SIPA1L3: variants seen among roughly 807,000 people sequenced by gnomAD.
SIPA1L3 encodes the protein signal-induced proliferation-associated 1-like protein 3.
In SIPA1L3, 59 loss-of-function variants were observed where a neutral mutation model predicts 150.1. The ratio of observed to expected loss-of-function variants is 0.39; its 90% CI spans 0.32 to 0.49. SIPA1L3 has a LOEUF of 0.49. Ranked by LOEUF, SIPA1L3 falls within the 20% of genes least tolerant of loss-of-function variation. SIPA1L3 has a pLI of 0.86. For synonymous variants in SIPA1L3, 1,070 were observed against 1,077.6 expected, an observed-to-expected ratio of 0.99 and a Z score of 0.14; for missense variants, 2,211 against 2,489.5, an observed-to-expected ratio of 0.89 and a Z score of 2.38.
chr19:38,108,570 C>T (rs889452636), intron 7 of SIPA1L3: 1 of 152,248 alleles, frequency 6.6e-6, no homozygotes, highest in Non-Finnish European at 1.5e-5. Context: ...AGTTGAGCTG[C>T]AAAGCGTGTC....
chr19:37,980,632 C>T (rs180908601), intron 1 of SIPA1L3, among the ~76,000 whole-genome samples: 6 of 152,042 alleles, frequency 3.9e-5, no homozygotes, highest in Admixed American at 6.5e-5. Flanking sequence ...GGGGGCCCGT[C>T]GAGGCATGAA....
chr19:38,093,776 G>C (rs1970316624), intron 4 of SIPA1L3, among the ~76,000 whole-genome samples: 1 of 152,124 alleles, frequency 6.6e-6, no homozygotes, highest in Non-Finnish European at 1.5e-5. Context: ...TCTCCCAGCA[G>C]ATGGGATATG....
At chr19:37,925,178 C>T (rs1472219600) in intron 1 of SIPA1L3, among the ~76,000 whole-genome samples, 3 of 152,132 alleles carry the variant, frequency 2.0e-5, no homozygotes, top group Non-Finnish European at 4.4e-5. Context: ...CATGGCTCTC[C>T]GACCTCCCCG....
chr19:38,204,409 G>A (rs887481702), intron 21 of SIPA1L3, among the ~76,000 whole-genome samples: 3 of 152,310 alleles, frequency 2.0e-5, no homozygotes, highest in Non-Finnish European at 2.9e-5. Context: ...TCCATTCTTG[G>A]GGGGAGAATA....
At chr19:38,192,054 C>A in intron 16 of SIPA1L3, 91 bp from the exon 17 acceptor site, 1 of 1,219,512 alleles carries the variant, frequency 8.2e-7, no homozygotes, top group Non-Finnish European at 1.1e-6. Flanking sequence ...GCCATGCGTC[C>A]CGTGGTGGCC....
Position 38,193,607 on chromosome 19 carries a change from G to T in SIPA1L3, c.4667G>T (p.Ser1556Ile), listed in dbSNP as rs373154281. The T allele has an allele frequency of 1.6e-5, 25 of 1,564,994 alleles. No homozygotes were observed. In the African/African-American group the frequency reaches 3.2e-4, roughly 20 times the overall value. The change falls in exon 18 of 22, where the codon AGC becomes ATC. Residue 1556 changes from serine to isoleucine, a missense_variant. Physicochemically the swap from Ser to Ile is moderately radical, Grantham distance 142. Coordinates refer to ENST00000222345, the MANE Select transcript of SIPA1L3 (RefSeq NM_015073.3). ...CTGTGCAGCGGGCGCCGGGAGCCCA[G>T]CTTCGCCAGCCCCGCTGGCCTAGAG... ...ESLCSGRREP[S>I]FASPAGLEPG...
intron 1 of SIPA1L3, among the ~76,000 whole-genome samples, chr19:37,931,419 G>C (rs1030666942): frequency 6.6e-6 from 1 of 151,684 alleles, no homozygotes; most frequent in East Asian, 1.9e-4. Flanking sequence ...GGCCCAGTGG[G>C]AGCACCTGCT....
At position 38,103,564 on chromosome 19, in the gene SIPA1L3, G is replaced by T. The variant is rs181939197; in HGVS notation, c.2029+2338G>T. Among the ~76,000 whole-genome samples the T allele has an allele frequency of 7.7e-3, 1,164 of 151,120 alleles. 16 individuals are homozygous for T. The highest frequency in any genetic ancestry group is 0.027 in the African/African-American group (1,098 of 41,212). On this transcript the variant is annotated intron_variant, in intron 6 of 21. Coordinates refer to ENST00000222345, the MANE Select transcript of SIPA1L3 (RefSeq NM_015073.3). ...AATTGCTTGAGCCTGGGAGGCAGAG[G>T]TTGCAGTGAGCTGAGATCACACCAC...
intron 15 of SIPA1L3, among the ~76,000 whole-genome samples, chr19:38,176,883 A>C (rs1185942926): frequency 6.6e-6 from 1 of 152,038 alleles, no homozygotes; most frequent in African/African-American, 2.4e-5. Flanking sequence ...AGGCAGGAGA[A>C]TCGCTTGAAC....
intron 1 of SIPA1L3, among the ~76,000 whole-genome samples, chr19:38,004,980 G>A (rs541963048): frequency 7.9e-5 from 12 of 152,270 alleles, no homozygotes; most frequent in Admixed American, 2.0e-4. Flanking sequence ...GTCACCGCAT[G>A]TTCTCTCAGC....
Position 38,017,730 on chromosome 19 carries a change from A to G in SIPA1L3, c.-378-11359A>G, listed in dbSNP as rs1017798631. ...ATTTTCTGTAGAGACAGGGTCTTGCAGTGTTGCCCAGTCTGGCTTTGAATT... is the reference window on the plus strand; with the variant it reads ...ATTTTCTGTAGAGACAGGGTCTTGCGGTGTTGCCCAGTCTGGCTTTGAATT... On this transcript the variant is annotated intron_variant, in intron 1 of 21. Coordinates refer to ENST00000222345, the MANE Select transcript of SIPA1L3 (RefSeq NM_015073.3). 4.0e-5 allele frequency among the ~76,000 whole-genome samples: 6 copies of G among 151,692 alleles called. No individual in the cohort carries two copies. In the East Asian group the frequency reaches 7.7e-4, roughly 20 times the overall value.
chr19:38,056,520 C>T (rs1316517269), intron 2 of SIPA1L3, among the ~76,000 whole-genome samples: 2 of 152,186 alleles, frequency 1.3e-5, no homozygotes, highest in South Asian at 2.1e-4. Context: ...TCCCATCCTT[C>T]GTCAGTTTAC....
rs1273470184 is a variant in SIPA1L3, at chr19:38,000,909, T to TGTTATATATAG, written c.-378-28180_-378-28179insGTTATATATAG. Among the ~76,000 whole-genome samples, 11 of 35,488 alleles carry TGTTATATATAG rather than the reference T, an allele frequency of 3.1e-4. No homozygotes were observed. The East Asian group carries it at 0.01, about 33-fold the overall frequency. 23.3% of individuals were successfully genotyped at this position (35,488 alleles called of 152,430 possible). On this transcript the variant is annotated intron_variant, in intron 1 of 21. Transcript: ENST00000222345. ...TATATATATGTTATATATATATATA[T>TGTTATATATAG]AACATATATATAACATATATATAAC...
intron 1 of SIPA1L3, among the ~76,000 whole-genome samples, chr19:37,909,283 C>A (rs2046359629): frequency 6.6e-6 from 1 of 152,200 alleles, no homozygotes; most frequent in Admixed American, 6.5e-5. Flanking sequence ...TCTCAGCTCA[C>A]TGAAGCCTCC....
At chr19:38,102,167 G>C (rs375563515) in intron 6 of SIPA1L3, among the ~76,000 whole-genome samples, 35 of 150,150 alleles carry the variant, frequency 2.3e-4, no homozygotes, top group African/African-American at 8.1e-4. Context: ...CTGCCTCAGC[G>C]TCCCAAGTAA....
In SIPA1L3 at chr19:38,138,910, A is replaced by AAAAAAAAAAAAAACAAAAAC. The variant is rs1343348254; in HGVS notation, c.3144-2269_3144-2268insAAAAAAAACAAAAACAAAAA. ...GAGACTCTATCTCAAAAAAAAAAAA[A>AAAAAAAAAAAAAACAAAAAC]AAAAACTGAGTGTGGTGGCTCACGC... On this transcript the variant is annotated intron_variant, in intron 10 of 21. Coordinates refer to ENST00000222345, the MANE Select transcript of SIPA1L3 (RefSeq NM_015073.3). Among the ~76,000 whole-genome samples the AAAAAAAAAAAAAACAAAAAC allele has an allele frequency of 1.5e-3, 165 of 112,826 alleles. 16 individuals are homozygous for AAAAAAAAAAAAAACAAAAAC. The highest frequency in any genetic ancestry group is 2.9e-3 in the African/African-American group (76 of 26,240). The allele number at this position is 112,826 out of a possible 152,430, so 74.0% of individuals were successfully genotyped here.
intron 1 of SIPA1L3, among the ~76,000 whole-genome samples, chr19:37,939,073 C>T (rs538805994): frequency 6.6e-6 from 1 of 152,148 alleles, no homozygotes; most frequent in Non-Finnish European, 1.5e-5. Flanking sequence ...TATTCTCCCC[C>T]CAATTCCATG....
intron 16 of SIPA1L3, among the ~76,000 whole-genome samples, chr19:38,187,185 C>T (rs1429524126): frequency 6.6e-6 from 1 of 151,762 alleles, no homozygotes; most frequent in Non-Finnish European, 1.5e-5. Flanking sequence ...GGCGTGGTAG[C>T]TCACGCCTAT....
chr19:38,159,003 G>A lies in SIPA1L3; in HGVS notation c.3662-3250G>A, dbSNP rs139876144. On this transcript the variant is annotated intron_variant, in intron 13 of 21. Coordinates refer to ENST00000222345, the MANE Select transcript of SIPA1L3 (RefSeq NM_015073.3). ...GCCGGATGTGACTGCCATGGGCTTC[G>A]CTCTGTAGAAATGTGGTCTCCCAGA... Among the ~76,000 whole-genome samples the A allele has an allele frequency of 5.9e-3, 902 of 152,318 alleles. 34 individuals are homozygous for A. In the South Asian group the frequency reaches 0.11, roughly 18 times the overall value.
Sources: allele counts gnomAD v4.1 joint callset (sites outside exome capture counted in the v4.1 genomes callset), GRCh38; gene constraint gnomAD v4.1.1; transcripts MANE v1.5; gene names NCBI Gene and HGNC (gene_info 2026-07-23, HGNC 2026-07-21).